The following TSHR variants were observed in gnomAD, a reference collection of about 807,000 sequenced individuals.
The protein encoded by TSHR is thyroid stimulating hormone receptor, also known as thyrotropin receptor.
Under a neutral mutation model 64.1 loss-of-function variants are expected in TSHR, and 51 were observed. The ratio of observed to expected loss-of-function variants is 0.80; its 90% CI spans 0.64 to 1.01. The LOEUF (loss-of-function observed/expected upper bound fraction) is 1.01, where lower values mean the gene tolerates loss of function less well. Among genes scored for constraint, TSHR ranks in the 50% least tolerant of loss-of-function variants. The pLI is 0.00. For missense variants in TSHR, 877 were observed against 942.8 expected, an observed-to-expected ratio of 0.93 and a Z score of 0.91; for synonymous variants, 361 against 361.9, an observed-to-expected ratio of 1.00 and a Z score of 0.03.
intron 1 of TSHR, among the ~76,000 whole-genome samples, chr14:81,021,532 A>G (rs1883752091): frequency 6.6e-6 from 1 of 152,216 alleles, no homozygotes; most frequent in Non-Finnish European, 1.5e-5. Flanking sequence ...GCAGGGAAAG[A>G]AGGAGAGCAA....
rs982322869 is a variant in TSHR, at chr14:81,091,281, G to A, written c.467+138G>A. The A allele has an allele frequency of 1.7e-4, 139 of 798,226 alleles. 1 individual carries two copies. Among genetic ancestry groups the A allele is most frequent in the Admixed American group, 3.8e-4 (19 of 49,802 alleles). The allele number at this position is 798,226 out of a possible 1,614,324, so 49.4% of individuals were successfully genotyped here. On this transcript the variant is annotated intron_variant, in intron 5 of 9. Transcript: ENST00000298171. ...AGCAATGATCAGGTGTGACTACACT[G>A]GCATGAAGTAAGGCAAGGACTGAGA...
At chr14:81,142,187 T>G (rs537225735) in intron 9 of TSHR, among the ~76,000 whole-genome samples, 1 of 152,258 alleles carries the variant, frequency 6.6e-6, no homozygotes, top group South Asian at 2.1e-4. Context: ...TTTAAGCGAT[T>G]CTCCTGCCTC....
intron 8 of TSHR, among the ~76,000 whole-genome samples, chr14:81,124,609 A>G (rs1890942517): frequency 6.6e-6 from 1 of 152,164 alleles, no homozygotes. Context: ...TGTATACTTT[A>G]TAGGAAATAC....
intron 3 of TSHR, among the ~76,000 whole-genome samples, chr14:81,072,983 C>T (rs1189068314): frequency 1.4e-5 from 1 of 73,592 alleles, no homozygotes; most frequent in African/African-American, 8.7e-5. Flanking sequence ...GGCGACAGAG[C>T]GAGACTCCGT....
intron 8 of TSHR, among the ~76,000 whole-genome samples, chr14:81,136,840 TCAGA>T (rs950063107): frequency 6.6e-6 from 1 of 152,166 alleles, no homozygotes; most frequent in African/African-American, 2.4e-5. Context: ...TTACATATAC[TCAGA>T]CAAACTTTGG....
At chr14:81,055,324 G>A (rs1225311104) in intron 1 of TSHR, among the ~76,000 whole-genome samples, 1 of 152,194 alleles carries the variant, frequency 6.6e-6, no homozygotes, top group Non-Finnish European at 1.5e-5. Flanking sequence ...CTGCAGGGGT[G>A]AGGCACTCAT....
chr14:81,048,507 C>G (rs1288470500), intron 1 of TSHR, among the ~76,000 whole-genome samples: 4 of 152,032 alleles, frequency 2.6e-5, no homozygotes, highest in Admixed American at 2.6e-4. Context: ...GGTGTATGTG[C>G]GAGTGTGTCC....
intron 9 of TSHR, 121 bp downstream of exon 9, chr14:81,139,988 C>G: frequency 7.6e-7 from 1 of 1,320,336 alleles, no homozygotes; most frequent in Non-Finnish European, 1.1e-6. Context: ...TTGGAAGCAT[C>G]CATATGAAAC....
At chr14:81,072,031 A>G (rs547214563) in intron 3 of TSHR, among the ~76,000 whole-genome samples, 62 of 152,370 alleles carry the variant, frequency 4.1e-4, no homozygotes, top group Non-Finnish European at 7.3e-4. Flanking sequence ...ACTGAGCAAG[A>G]GATGCCCAGT....
intron 1 of TSHR, among the ~76,000 whole-genome samples, chr14:80,961,387 A>T (rs183750547): frequency 6.6e-6 from 1 of 152,156 alleles, no homozygotes; most frequent in East Asian, 1.9e-4. Context: ...GGGGTGAGGG[A>T]TATTTACTTA....
intron 1 of TSHR, among the ~76,000 whole-genome samples, chr14:81,026,345 T>C (rs1045019577): frequency 1.3e-5 from 2 of 152,204 alleles, no homozygotes; most frequent in African/African-American, 4.8e-5. Context: ...TACTTGTGTG[T>C]ATGTGTGTGT....
At chr14:81,043,949 A>G (rs1028499619) in intron 1 of TSHR, among the ~76,000 whole-genome samples, 3 of 152,266 alleles carry the variant, frequency 2.0e-5, no homozygotes, top group Admixed American at 6.5e-5. Context: ...GATGGATTAA[A>G]GACTTAAATG....
intron 2 of TSHR, among the ~76,000 whole-genome samples, chr14:81,067,271 T>C (rs1051290457): frequency 6.6e-6 from 1 of 151,948 alleles, no homozygotes; most frequent in Admixed American, 6.6e-5. Context: ...TGCTCATGTT[T>C]TTTTGCTATT....
At chr14:81,054,494 C>T (rs1376380801) in intron 1 of TSHR, among the ~76,000 whole-genome samples, 1 of 152,096 alleles carries the variant, frequency 6.6e-6, no homozygotes, top group Non-Finnish European at 1.5e-5. Flanking sequence ...CAGAAGAAAA[C>T]AGGAAAATGT....
chr14:81,024,234 C>T (rs1883924807), intron 1 of TSHR, among the ~76,000 whole-genome samples: 1 of 149,094 alleles, frequency 6.7e-6, no homozygotes, highest in African/African-American at 2.5e-5. Flanking sequence ...AGTATTTAGG[C>T]ATGGTTTTTT....
chr14:80,971,339 A>T (rs1485839708), intron 1 of TSHR, among the ~76,000 whole-genome samples: 3 of 152,206 alleles, frequency 2.0e-5, no homozygotes, highest in Non-Finnish European at 2.9e-5. Flanking sequence ...CCGTCCCCAC[A>T]AACTCTTATG....
At chr14:81,036,015 G>A (rs1356673166) in intron 1 of TSHR, among the ~76,000 whole-genome samples, 1 of 152,000 alleles carries the variant, frequency 6.6e-6, no homozygotes, top group African/African-American at 2.4e-5. Flanking sequence ...CTTAAAGACA[G>A]GTCTTTTCAA....
At chr14:81,091,431 T>C (rs139843576) in intron 5 of TSHR, among the ~76,000 whole-genome samples, 71 of 152,326 alleles carry the variant, frequency 4.7e-4, no homozygotes, top group South Asian at 2.9e-3. Context: ...GTTACCATAA[T>C]TAACTCTTTT....
chr14:81,062,587 AGTCACC>A lies in TSHR; in HGVS notation c.242+369_242+374del, dbSNP rs560675745. On this transcript the variant is annotated intron_variant, in intron 2 of 9. Coordinates refer to ENST00000298171, the MANE Select transcript of TSHR (RefSeq NM_000369.5). ...AGATAGACAAACATCCATCTGTCCTAGTCACCAAGTCTTGAATCACCTTTCACTACT... is the reference window on the plus strand; with the variant it reads ...AGATAGACAAACATCCATCTGTCCTAAAGTCTTGAATCACCTTTCACTACT... 2.0e-4 allele frequency among the ~76,000 whole-genome samples: 31 copies of A among 152,302 alleles called. No individual in the cohort carries two copies. In the South Asian group the frequency reaches 5.0e-3, roughly 24 times the overall value.
Sources: allele counts gnomAD v4.1 joint callset (sites outside exome capture counted in the v4.1 genomes callset), GRCh38; gene constraint gnomAD v4.1.1; transcripts MANE v1.5; gene names NCBI Gene and HGNC (gene_info 2026-07-23, HGNC 2026-07-21).